Variants in ARMH3 observed in about 807,000 individuals in gnomAD.
The protein encoded by ARMH3 is armadillo like helical domain containing 3, also known as armadillo-like helical domain-containing protein 3.
A neutral mutation model predicts 99.1 loss-of-function variants in ARMH3; 60 were observed. The observed-to-expected ratio is 0.61, with a 90% CI of 0.49 to 0.75. The LOEUF (loss-of-function observed/expected upper bound fraction) is 0.75, where lower values mean the gene tolerates loss of function less well. Among genes scored for constraint, ARMH3 ranks in the 30% least tolerant of loss-of-function variants. The pLI, the probability that ARMH3 is intolerant of heterozygous loss-of-function variation, is 0.00. For missense variants in ARMH3, 679 were observed against 843.1 expected (o/e 0.81, Z 2.41); for synonymous variants, 285 against 292.8 (o/e 0.97, Z 0.27).
intron 20 of ARMH3, among the ~76,000 whole-genome samples, chr10:101,968,050 A>T (rs76009799): frequency 0.018 from 2,793 of 152,242 alleles, 49 homozygotes; most frequent in African/African-American, 0.043. Flanking sequence ...CTAAAAAAAA[A>T]AAATAAATAA....
At chr10:102,055,575 T>C (rs1225669430) in intron 1 of ARMH3, among the ~76,000 whole-genome samples, 1 of 152,092 alleles carries the variant, frequency 6.6e-6, no homozygotes. Flanking sequence ...ACTGATTCCG[T>C]GTGAAGAGTG....
chr10:102,035,659 G>A (rs1222607123), intron 2 of ARMH3, among the ~76,000 whole-genome samples: 1 of 152,270 alleles, frequency 6.6e-6, no homozygotes, highest in Admixed American at 6.5e-5. Flanking sequence ...GCCAGCCTCG[G>A]CCTCCCGAGG....
intron 23 of ARMH3, among the ~76,000 whole-genome samples, chr10:101,901,985 A>G (rs2067992471): frequency 6.6e-6 from 1 of 152,212 alleles, no homozygotes; most frequent in African/African-American, 2.4e-5. Context: ...GGCAGCCTCA[A>G]CATCAGCTTT....
intron 23 of ARMH3, among the ~76,000 whole-genome samples, chr10:101,919,305 A>T (rs1456700005): frequency 6.6e-6 from 1 of 152,112 alleles, no homozygotes; most frequent in Non-Finnish European, 1.5e-5. Flanking sequence ...CAGTTTGAAG[A>T]ACACCAACAG....
intron 8 of ARMH3, among the ~76,000 whole-genome samples, chr10:102,016,535 G>A (rs2066753732): frequency 1.3e-5 from 2 of 152,150 alleles, no homozygotes; most frequent in South Asian, 4.1e-4. Flanking sequence ...GGCAGTGTGG[G>A]GAGAAAAGGA....
intron 23 of ARMH3, among the ~76,000 whole-genome samples, chr10:101,928,213 A>T (rs912589158): frequency 6.6e-6 from 1 of 152,198 alleles, no homozygotes; most frequent in Non-Finnish European, 1.5e-5. Flanking sequence ...AATATAATGA[A>T]AGGTTCTTAT....
chr10:102,048,928 T>C (rs1459829323), intron 1 of ARMH3, among the ~76,000 whole-genome samples: 1 of 152,096 alleles, frequency 6.6e-6, no homozygotes, highest in Non-Finnish European at 1.5e-5. Flanking sequence ...CTATAAGAAC[T>C]TAAGGAGAAT....
intron 1 of ARMH3, among the ~76,000 whole-genome samples, chr10:102,049,376 T>C (rs1050619655): frequency 1.3e-5 from 2 of 152,008 alleles, no homozygotes; most frequent in African/African-American, 4.8e-5. Context: ...ACCCCGTCTC[T>C]ACTAAAAATA....
At chr10:101,850,600 T>C (rs2066577365) in intron 24 of ARMH3, among the ~76,000 whole-genome samples, 1 of 150,672 alleles carries the variant, frequency 6.6e-6, no homozygotes, top group Non-Finnish European at 1.5e-5. Context: ...AATTTTTGTA[T>C]TTTTAGTAGA....
chr10:102,007,458 G>A (rs2066525430), intron 13 of ARMH3, among the ~76,000 whole-genome samples: 1 of 151,584 alleles, frequency 6.6e-6, no homozygotes, highest in Admixed American at 6.6e-5. Flanking sequence ...CACATCAATA[G>A]GCTGTTCTGA....
At chr10:101,850,090 CTTTTTTTTTTTTTT>C (rs754571008) in intron 24 of ARMH3, among the ~76,000 whole-genome samples, 198 bp from the exon 25 acceptor site, 8 of 91,344 alleles carry the variant, frequency 8.8e-5, no homozygotes, top group African/African-American at 3.2e-4. Flanking sequence ...CTCTCTCTCT[CTTTTTTTTTTTTTT>C]TTTTTTTTTT....
chr10:102,021,401 A>G (rs74378131), intron 8 of ARMH3, among the ~76,000 whole-genome samples: 1 of 139,148 alleles, frequency 7.2e-6, no homozygotes, highest in Non-Finnish European at 1.6e-5. Flanking sequence ...TTTTTTTTTA[A>G]AGACAGGGTC....
At chr10:101,864,507 T>C (rs190205325) in intron 24 of ARMH3, among the ~76,000 whole-genome samples, 2 of 152,270 alleles carry the variant, frequency 1.3e-5, no homozygotes, top group East Asian at 3.9e-4. Flanking sequence ...TATCCATCAA[T>C]GATAGACTGG....
chr10:102,051,477 AAAAAAAAAAAAG>A (rs1005807498), intron 1 of ARMH3, among the ~76,000 whole-genome samples: 52 of 151,638 alleles, frequency 3.4e-4, no homozygotes, highest in Admixed American at 1.6e-3. Context: ...CATTTCGGAA[AAAAAAAAAAAAG>A]AAAAAGAAAA....
intron 24 of ARMH3, among the ~76,000 whole-genome samples, chr10:101,862,361 G>C (rs1227362345): frequency 6.6e-6 from 1 of 152,192 alleles, no homozygotes; most frequent in Non-Finnish European, 1.5e-5. Context: ...CAGATCACTT[G>C]AGGTCAGAAG....
intron 20 of ARMH3, among the ~76,000 whole-genome samples, chr10:101,971,507 C>T (rs927416208): frequency 3.9e-5 from 6 of 151,952 alleles, no homozygotes; most frequent in African/African-American, 1.2e-4. Flanking sequence ...CCCGCAATCA[C>T]ACCACTGCTC....
At chr10:102,042,814 T>C (rs2067454959) in intron 1 of ARMH3, among the ~76,000 whole-genome samples, 1 of 152,262 alleles carries the variant, frequency 6.6e-6, no homozygotes, top group Admixed American at 6.5e-5. Context: ...GGCTCACGCC[T>C]GTAATCGCAG....
chr10:102,002,225 C>G (rs2066377561), intron 14 of ARMH3, among the ~76,000 whole-genome samples, 153 bp from the exon 15 acceptor site: 1 of 152,132 alleles, frequency 6.6e-6, no homozygotes. Context: ...AAACTTTTAT[C>G]TACTCTTCCT....
chr10:102,033,002 T>G (rs374416466), intron 4 of ARMH3, 24 bp downstream of exon 4: 4 of 1,611,594 alleles, frequency 2.5e-6, no homozygotes, highest in Non-Finnish European at 3.4e-6. Flanking sequence ...TAAACAAGAC[T>G]TCCCCAGTCT....
Sources: gnomAD v4.1 joint callset for allele counts (sites outside exome capture counted in the v4.1 genomes callset) on GRCh38, gnomAD v4.1.1 for gene constraint, MANE v1.5 for transcripts, NCBI Gene and HGNC (gene_info 2026-07-23, HGNC 2026-07-21) for gene names.